Variants in USP16 observed in about 807,000 individuals in gnomAD.
The protein encoded by USP16 is ubiquitin carboxyl-terminal hydrolase 16.
Under a neutral mutation model 95.9 loss-of-function variants are expected in USP16, and 77 were observed. The ratio of observed to expected loss-of-function variants is 0.80; its 90% CI spans 0.67 to 0.97. The LOEUF is 0.97. Among genes scored for constraint, USP16 ranks in the 50% least tolerant of loss-of-function variants. The pLI, the probability that USP16 is intolerant of heterozygous loss-of-function variation, is 0.00. For missense variants in USP16, 943 were observed against 959.9 expected, an observed-to-expected ratio of 0.98 and a Z score of 0.23; for synonymous variants, 303 against 318.2, an observed-to-expected ratio of 0.95 and a Z score of 0.51.
rs1264384558 is a variant in USP16, at chr21:29,045,210, A to G, written c.1357-1457A>G. Among the ~76,000 whole-genome samples, 3 of 152,148 alleles carry G rather than the reference A, an allele frequency of 2.0e-5. No homozygotes were observed. The East Asian group carries it at 5.8e-4, about 29-fold the overall frequency. On this transcript the variant is annotated intron_variant, in intron 13 of 17. Transcript: ENST00000399976. ...TGTTCCTCTGTTTTTACGGAAACAC[A>G]TCAGAAAATGTTTGGTTCCCATCCT... is the stretch of plus-strand genomic sequence containing the variant.
rs2085196517 is a variant in USP16, at chr21:29,038,493, T to C, written c.732+63T>C. 6 of 1,217,150 alleles carry C rather than the reference T, an allele frequency of 4.9e-6. No homozygotes were observed. The Admixed American group carries it at 9.7e-5, about 20-fold the overall frequency. 75.4% of individuals were successfully genotyped at this position (1,217,150 alleles called of 1,614,324 possible). A position where few individuals can be genotyped will look rare whatever the true frequency, so the allele number is the denominator to read the frequency against. On this transcript the variant is annotated intron_variant, in intron 7 of 17. Coordinates refer to ENST00000399976, the MANE Select transcript of USP16 (RefSeq NM_006447.3). Reference sequence around the variant, plus strand: ...CTCTGAATGTGTGTTTTCTAAATTATTTTAAATAACTGACACTCATTTCCA... The same window carrying C: ...CTCTGAATGTGTGTTTTCTAAATTACTTTAAATAACTGACACTCATTTCCA...
At chr21:29,032,996 C>T (rs1237343693) in intron 3 of USP16, among the ~76,000 whole-genome samples, 4 of 152,052 alleles carry the variant, frequency 2.6e-5, no homozygotes, top group African/African-American at 9.7e-5. Context: ...ACTGATATCT[C>T]ATTGTGGTCA....
At chr21:29,025,300 G>A (rs1359464333) in intron 1 of USP16, among the ~76,000 whole-genome samples, 2 of 152,184 alleles carry the variant, frequency 1.3e-5, no homozygotes, top group East Asian at 3.8e-4. Flanking sequence ...AGACTGGGAG[G>A]GCAGAGAGTG....
At chr21:29,042,400 G>T in intron 11 of USP16, 72 bp from the exon 12 acceptor site, 1 of 1,460,704 alleles carries the variant, frequency 6.8e-7, no homozygotes, top group South Asian at 1.2e-5. Context: ...CCATCCCACA[G>T]GGCAGGGAGG....
At position 29,038,425 on chromosome 21, in the gene USP16, T is replaced by C; in HGVS notation, c.727T>C (p.Leu243=). Residue 243 remains leucine (L), a synonymous_variant, in exon 7 of 18, where the codon TTA becomes CTA. Coordinates refer to ENST00000399976, the MANE Select transcript of USP16 (RefSeq NM_006447.3). ...IVKIEPPDLA[L]TEPLEINLEP... is the part of the protein sequence containing the mutation. ...AAAAATTGAACCACCTGATTTGGCA[T>C]TAACAGTATGTTCTTTAAACTTTTC... The C allele has an allele frequency of 6.2e-7, 1 of 1,609,730 alleles. No individual in the cohort carries two copies. Among genetic ancestry groups the C allele is most frequent in the Non-Finnish European group, 8.5e-7 (1 of 1,176,740 alleles).
At position 29,027,903 on chromosome 21, in the gene USP16, A is replaced by G. The variant is rs760630243; in HGVS notation, c.-11A>G. ...TATTTTGTGTCAGTAAGTAATCCAT[A>G]AAGTGCCAACATGGGAAAGAAACGG... On this transcript the variant is annotated 5_prime_UTR_variant, in exon 2 of 18. The change creates a new upstream start codon in the 5' untranslated region. Transcript: ENST00000399976. 3.7e-6 allele frequency: 6 copies of G among 1,613,574 alleles called. No individual in the cohort carries two copies. The highest frequency in any genetic ancestry group is 4.2e-6 in the Non-Finnish European group (5 of 1,179,706).
chr21:29,038,889 T>G, intron 7 of USP16, 137 bp from the exon 8 acceptor site: 1 of 809,898 alleles, frequency 1.2e-6, no homozygotes, highest in Non-Finnish European at 1.7e-6. Flanking sequence ...TTCTATCTCT[T>G]TTGATGTACA....
chr21:29,036,493 G>A (rs1430208675), intron 5 of USP16, 119 bp downstream of exon 5: 6 of 935,326 alleles, frequency 6.4e-6, no homozygotes, highest in East Asian at 5.3e-5. Context: ...ATGGTTGATT[G>A]CAAACTATGA....
chr21:29,030,704 GA>G lies in USP16; in HGVS notation c.174del (p.Asp59IlefsTer34). ...AAGACTGTAAGACTGACAATAAAGT[GA>G]AAGATAAAGCTGAAGAAGAAACAGA... ...CQDCKTDNKV[K>X]DKAEEETEEK... On this transcript the variant is annotated frameshift_variant, in exon 3 of 18. Transcript: ENST00000399976. LOFTEE classifies it high-confidence loss of function. 6.2e-7 allele frequency: 1 copy of G among 1,613,940 alleles called. No individual in the cohort carries two copies. Among genetic ancestry groups the G allele is most frequent in the Non-Finnish European group, 8.5e-7 (1 of 1,179,926 alleles).
rs149141484 is a variant in USP16 at position 29,038,362 on chromosome 21, G to T, written c.664G>T (p.Glu222Ter). The T allele has an allele frequency of 6.2e-7, 1 of 1,612,438 alleles. No homozygotes were observed. Among genetic ancestry groups the T allele is most frequent in the South Asian group, 1.1e-5 (1 of 90,924 alleles). ...QNLSQTPVLR[E>*]LLKEVKMSGT... ...CTTGTCACAAACACCAGTGCTTAGA[G>T]AACTACTAAAAGAAGTGAAAATGTC... Residue 222 changes from glutamate (E) to a stop codon, truncating the protein, a stop_gained, in exon 7 of 18, where the codon GAA becomes TAA. Coordinates refer to ENST00000399976, the MANE Select transcript of USP16 (RefSeq NM_006447.3). LOFTEE classifies it high-confidence loss of function.
chr21:29,037,368 G>C lies in USP16; in HGVS notation c.541G>C (p.Ala181Pro). Residue 181 changes from alanine (A) to proline (P), a missense_variant, in exon 6 of 18, where the codon GCT becomes CCT. Coordinates refer to ENST00000399976, the MANE Select transcript of USP16 (RefSeq NM_006447.3). ...AGAGAGAGAAAAGAAGGAAAACATG[G>C]CTAAAGAGAATCCTCCCATGAATTC... is the stretch of plus-strand genomic sequence containing the variant. Reference protein sequence around the residue: ...EQEREKKENMAKENPPMNSPC... With the variant: ...EQEREKKENMPKENPPMNSPC... 5 of 1,610,054 alleles carry C rather than the reference G, an allele frequency of 3.1e-6. No homozygotes were observed. The highest frequency in any genetic ancestry group is 4.2e-6 in the Non-Finnish European group (5 of 1,178,224).
At chr21:29,028,120 C>T (rs1470848737) in intron 2 of USP16, 146 bp downstream of exon 2, 7 of 567,776 alleles carry the variant, frequency 1.2e-5, no homozygotes, top group East Asian at 3.4e-5. Flanking sequence ...TAATAGTCTT[C>T]TACTTTTTTT....
intron 5 of USP16, 120 bp from the exon 6 acceptor site, chr21:29,037,156 G>T (rs918189495): frequency 5.4e-6 from 3 of 550,462 alleles, no homozygotes; most frequent in Non-Finnish European, 8.5e-6. Flanking sequence ...CAAATGGGTG[G>T]GTGGGTTGGA....
At position 29,038,392 on chromosome 21, in the gene USP16, A is replaced by G; in HGVS notation, c.694A>G (p.Thr232Ala). The G allele has an allele frequency of 6.2e-7, 1 of 1,613,108 alleles. No individual in the cohort carries two copies. The highest frequency in any genetic ancestry group is 1.3e-5 in the African/African-American group (1 of 75,038). Residue 232 changes from threonine to alanine, a missense_variant, in exon 7 of 18, where the codon ACA (threonine) becomes GCA (alanine). Physicochemically the swap from Thr to Ala is moderately conservative, Grantham distance 58. Coordinates refer to ENST00000399976, the MANE Select transcript of USP16 (RefSeq NM_006447.3). ...ELLKEVKMSG[T>A]IVKIEPPDLA... ...ACTAAAAGAAGTGAAAATGTCTGGA[A>G]CAATTGTAAAAATTGAACCACCTGA...
intron 13 of USP16, 102 bp from the exon 14 acceptor site, chr21:29,046,565 A>G: frequency 2.5e-6 from 3 of 1,192,586 alleles, no homozygotes. Flanking sequence ...AACTGGATAT[A>G]GTACATGTGT....
intron 6 of USP16, among the ~76,000 whole-genome samples, 171 bp from the exon 7 acceptor site, chr21:29,038,164 T>C (rs1031797412): frequency 6.6e-6 from 1 of 152,234 alleles, no homozygotes; most frequent in Non-Finnish European, 1.5e-5. Flanking sequence ...CTGAAGTAGT[T>C]ATGACCCAAA....
intron 12 of USP16, chr21:29,043,089 G>A (rs1055039419): frequency 6.0e-5 from 10 of 166,518 alleles, no homozygotes; most frequent in Non-Finnish European, 1.2e-4. Context: ...ATACACCGTG[G>A]TGACTTACAT....
At position 29,037,275 on chromosome 21, in the gene USP16, G is replaced by A. The variant is rs769929207; in HGVS notation, c.449-1G>A. The A allele has an allele frequency of 4.6e-6, 7 of 1,509,068 alleles. No individual in the cohort carries two copies. The highest frequency in any genetic ancestry group is 1.8e-6 in the Non-Finnish European group (2 of 1,111,626). 93.5% of individuals were successfully genotyped at this position (1,509,068 alleles called of 1,614,324 possible). A position where few individuals can be genotyped will look rare whatever the true frequency, so the allele number is the denominator to read the frequency against. On this transcript the variant is annotated splice_acceptor_variant, in intron 5 of 17. Transcript: ENST00000399976. LOFTEE classifies it high-confidence loss of function. ...TTGCTAAATCTTTTCTTTTTTTAAAGCAGAGAAAGATAATGGAAATATTGA... is the reference window on the plus strand; with the variant it reads ...TTGCTAAATCTTTTCTTTTTTTAAAACAGAGAAAGATAATGGAAATATTGA...
chr21:29,045,421 G>C lies in USP16; in HGVS notation c.1357-1246G>C, dbSNP rs544367409. Among the ~76,000 whole-genome samples, 6 of 152,256 alleles carry C rather than the reference G, an allele frequency of 3.9e-5. No homozygotes were observed. In the South Asian group the frequency reaches 1.2e-3, roughly 32 times the overall value. On this transcript the variant is annotated intron_variant, in intron 13 of 17. Coordinates refer to ENST00000399976, the MANE Select transcript of USP16 (RefSeq NM_006447.3). ...CAAGTGGCAAGAGTGATTTTAAAGG[G>C]AAAAGTTCTTTACTCTCTTCTGTAT...
Sources: allele counts gnomAD v4.1 joint callset (sites outside exome capture counted in the v4.1 genomes callset), GRCh38; gene constraint gnomAD v4.1.1; transcripts MANE v1.5; gene names NCBI Gene and HGNC (gene_info 2026-07-23, HGNC 2026-07-21).